Variants in BAZ2B observed in about 807,000 individuals in gnomAD.
BAZ2B encodes the protein bromodomain adjacent to zinc finger domain 2B.
A neutral mutation model predicts 246.0 loss-of-function variants in BAZ2B; 91 were observed. The ratio of observed to expected loss-of-function variants is 0.37; its 90% confidence interval spans 0.31 to 0.44. BAZ2B has a LOEUF of 0.44. Ranked by LOEUF, BAZ2B falls within the 20% of genes least tolerant of loss-of-function variation. The pLI, the probability that BAZ2B is intolerant of heterozygous loss-of-function variation, is 1.00. For missense variants in BAZ2B, 2,332 were observed against 2,533.7 expected (o/e 0.92, Z 1.71); for synonymous variants, 855 against 860.0 (o/e 0.99, Z 0.10).
intron 1 of BAZ2B, among the ~76,000 whole-genome samples, chr2:159,577,070 T>A (rs926262578): frequency 2.6e-5 from 4 of 151,618 alleles, no homozygotes; most frequent in Non-Finnish European, 4.4e-5. Flanking sequence ...TTCCAAAAAA[T>A]TTTAAAAATT....
chr2:159,379,046 T>C (rs2061703368), intron 25 of BAZ2B, among the ~76,000 whole-genome samples: 1 of 152,178 alleles, frequency 6.6e-6, no homozygotes, highest in Admixed American at 6.5e-5. Flanking sequence ...TGTGCTGTCA[T>C]GTTCATTGCA....
In BAZ2B at chr2:159,430,955, G is replaced by C; in HGVS notation, c.2102C>G (p.Pro701Arg). 6.2e-7 allele frequency: 1 copy of C among 1,613,998 alleles called. No homozygotes were observed. Among genetic ancestry groups the C allele is most frequent in the Non-Finnish European group, 8.5e-7 (1 of 1,179,908 alleles). The change falls in exon 10 of 37, where the codon CCA becomes CGA. Residue 701 changes from proline to arginine, a missense_variant. Pro to Arg is a moderately radical substitution (Grantham distance 103). Coordinates refer to ENST00000392783, the MANE Select transcript of BAZ2B (RefSeq NM_013450.4). ...ACATAAGGCAGCAGGAGCAGAGCCT[G>C]GGGCTTTTGCTATGTGGAGGTTACG... ...TPRNLHIAKAPGSAPAALCSE... is the reference protein window; with the variant it reads ...TPRNLHIAKARGSAPAALCSE...
intron 4 of BAZ2B, among the ~76,000 whole-genome samples, chr2:159,452,980 A>G (rs2075284593): frequency 6.6e-6 from 1 of 152,170 alleles, no homozygotes; most frequent in Non-Finnish European, 1.5e-5. Context: ...CGTGGCTGTA[A>G]TCCCAGCTAC....
At chr2:159,631,139 T>G in the BAZ2B span, among the ~76,000 whole-genome samples, 32 of 152,076 alleles carry the variant, frequency 2.1e-4, 1 homozygote, top group Non-Finnish European at 4.7e-4. Context: ...AAAACTACAG[T>G]GAGCCATGAT....
chr2:159,493,687 A>C (rs528400161), intron 2 of BAZ2B, among the ~76,000 whole-genome samples: 1 of 152,214 alleles, frequency 6.6e-6, no homozygotes, highest in South Asian at 2.1e-4. Flanking sequence ...TTAAAAGCTT[A>C]AACTATTCAC....
intron 1 of BAZ2B, among the ~76,000 whole-genome samples, chr2:159,568,855 G>A (rs1474881784): frequency 1.3e-5 from 2 of 152,152 alleles, no homozygotes; most frequent in Admixed American, 6.5e-5. Flanking sequence ...GTCATGAAAA[G>A]TTGTCAAACT....
chr2:159,603,216 C>G (rs1692592220), intron 1 of BAZ2B, among the ~76,000 whole-genome samples: 1 of 152,150 alleles, frequency 6.6e-6, no homozygotes, highest in African/African-American at 2.4e-5. Flanking sequence ...TACTTAATGA[C>G]AAGAGAAAAT....
chr2:159,635,202 A>C, the BAZ2B span, among the ~76,000 whole-genome samples: 2 of 152,192 alleles, frequency 1.3e-5, no homozygotes, highest in Non-Finnish European at 1.5e-5. Context: ...TCACTGAGAG[A>C]TAATCCTTGG....
chr2:159,643,434 C>G, the BAZ2B span, among the ~76,000 whole-genome samples: 1 of 152,102 alleles, frequency 6.6e-6, no homozygotes, highest in Admixed American at 6.6e-5. Context: ...TCTCACTTAC[C>G]CTTACAGGCC....
intron 1 of BAZ2B, among the ~76,000 whole-genome samples, chr2:159,583,058 C>A (rs940511331): frequency 4.6e-5 from 7 of 151,450 alleles, no homozygotes; most frequent in African/African-American, 1.7e-4. Flanking sequence ...AATTCCAATG[C>A]ATATTTGTGT....
chr2:159,526,436 G>A (rs2084743499), intron 2 of BAZ2B, among the ~76,000 whole-genome samples: 1 of 152,112 alleles, frequency 6.6e-6, no homozygotes, highest in South Asian at 2.1e-4. Context: ...TCTACTTGTA[G>A]AGTAAAACCT....
chr2:159,707,199 G>A, the BAZ2B span, among the ~76,000 whole-genome samples: 1 of 151,906 alleles, frequency 6.6e-6, no homozygotes, highest in Non-Finnish European at 1.5e-5. Flanking sequence ...AAAATAACAG[G>A]TAGTGGGCTA....
intron 3 of BAZ2B, among the ~76,000 whole-genome samples, chr2:159,468,390 T>C (rs187841823): frequency 2.6e-5 from 4 of 152,210 alleles, no homozygotes; most frequent in Admixed American, 2.6e-4. Context: ...CCTAAATACT[T>C]TGCCAATCAA....
the BAZ2B span, among the ~76,000 whole-genome samples, chr2:159,708,556 T>A: frequency 1.6e-4 from 5 of 31,582 alleles, no homozygotes; most frequent in Non-Finnish European, 4.1e-4. Flanking sequence ...TTTATTTATT[T>A]ATTTATTTAT....
chr2:159,323,058 A>G (rs549668752), intron 36 of BAZ2B, among the ~76,000 whole-genome samples: 2 of 136,274 alleles, frequency 1.5e-5, no homozygotes, highest in South Asian at 2.2e-4. Context: ...TGGCGAGGTA[A>G]CTCACTGCAA....
At chr2:159,329,208 TAATA>T (rs1485127940) in intron 34 of BAZ2B, among the ~76,000 whole-genome samples, 1 of 148,020 alleles carries the variant, frequency 6.8e-6, no homozygotes, top group African/African-American at 2.5e-5. Context: ...AATTAAAAAA[TAATA>T]AATAAAAAAC....
intron 33 of BAZ2B, among the ~76,000 whole-genome samples, chr2:159,333,413 T>C (rs984100749): frequency 2.0e-5 from 3 of 152,150 alleles, no homozygotes; most frequent in African/African-American, 7.2e-5. Flanking sequence ...TTTTCTAATA[T>C]AATTAAAGAC....
the BAZ2B span, among the ~76,000 whole-genome samples, chr2:159,666,565 A>C: frequency 2.0e-5 from 3 of 152,090 alleles, no homozygotes; most frequent in Admixed American, 1.3e-4. Flanking sequence ...CAGCTGATTC[A>C]TACTTTTAAA....
chr2:159,605,168 C>T (rs926238365), intron 1 of BAZ2B, among the ~76,000 whole-genome samples: 10 of 151,868 alleles, frequency 6.6e-5, no homozygotes, highest in African/African-American at 2.2e-4. Flanking sequence ...GCCAGGCCTA[C>T]GGGTGCATGC....
Sources: allele counts gnomAD v4.1 joint callset (sites outside exome capture counted in the v4.1 genomes callset), GRCh38; gene constraint gnomAD v4.1.1; transcripts MANE v1.5; gene names NCBI Gene and HGNC (gene_info 2026-07-23, HGNC 2026-07-21).